Variants in FAM174A observed in about 807,000 individuals in gnomAD.
FAM174A encodes membrane protein FAM174A.
Under a neutral mutation model 14.3 loss-of-function variants are expected in FAM174A, and 14 were observed. The observed-to-expected ratio is 0.98, with a 90% CI of 0.65 to 1.53. FAM174A has a LOEUF of 1.53. Among genes scored for constraint, FAM174A ranks in the 40% most tolerant of loss-of-function variants. The pLI, the probability that FAM174A is intolerant of heterozygous loss-of-function variation, is 0.00. For missense variants in FAM174A, 241 were observed against 249.6 expected (o/e 0.97, Z 0.23); for synonymous variants, 108 against 111.4 (o/e 0.97, Z 0.19).
chr5:100,540,275 T>G (rs977098182), intron 1 of FAM174A, among the ~76,000 whole-genome samples: 3 of 152,202 alleles, frequency 2.0e-5, no homozygotes, highest in African/African-American at 7.2e-5. Flanking sequence ...TTTTGACTAT[T>G]TAACCATTTA....
intron 1 of FAM174A, among the ~76,000 whole-genome samples, chr5:100,549,369 T>C (rs1746219191): frequency 6.6e-6 from 1 of 152,048 alleles, no homozygotes; most frequent in African/African-American, 2.4e-5. Flanking sequence ...AAAGAGGAGA[T>C]ATGACAAGGA....
rs184003739 is a variant in FAM174A, at chr5:100,559,064, A to C, written c.435-2990A>C. On this transcript the variant is annotated intron_variant, in intron 1 of 2. Coordinates refer to ENST00000312637, the MANE Select transcript of FAM174A (RefSeq NM_198507.3). ...TCTTTACAGTTTAGCATGTTTTTGC[A>C]GGGGCTGGTACCAATTGTTCCTTTC... 4.1e-3 allele frequency among the ~76,000 whole-genome samples: 629 copies of C among 152,256 alleles called. 4 individuals carry two copies. The highest frequency in any genetic ancestry group is 0.017 in the South Asian group (82 of 4,822).
At chr5:100,552,778 A>G (rs1334847746) in intron 1 of FAM174A, among the ~76,000 whole-genome samples, 1 of 152,114 alleles carries the variant, frequency 6.6e-6, no homozygotes, top group Non-Finnish European at 1.5e-5. Context: ...ACATTAAGGA[A>G]TCTGCATCTA....
chr5:100,573,662 A>G (rs1326103370), intron 2 of FAM174A, among the ~76,000 whole-genome samples: 1 of 150,620 alleles, frequency 6.6e-6, no homozygotes, highest in East Asian at 1.9e-4. Flanking sequence ...AAGGTAATTT[A>G]CAGATTCAAT....
At chr5:100,571,118 G>A (rs1580375253) in intron 2 of FAM174A, among the ~76,000 whole-genome samples, 1 of 150,252 alleles carries the variant, frequency 6.7e-6, no homozygotes, top group African/African-American at 2.5e-5. Flanking sequence ...GTAGTTTATA[G>A]AGTTTATATG....
At chr5:100,553,183 A>C (rs1159581534) in intron 1 of FAM174A, among the ~76,000 whole-genome samples, 6 of 152,114 alleles carry the variant, frequency 3.9e-5, no homozygotes, top group East Asian at 1.9e-4. Context: ...AATTGCACAG[A>C]TATTAAAGCT....
intron 2 of FAM174A, among the ~76,000 whole-genome samples, chr5:100,573,292 A>G (rs916178968): frequency 5.9e-5 from 9 of 151,724 alleles, no homozygotes; most frequent in African/African-American, 2.2e-4. Flanking sequence ...TTTTGTTGCC[A>G]TTGCTTTTGG....
chr5:100,575,688 T>C (rs1746889384), intron 2 of FAM174A, among the ~76,000 whole-genome samples: 2 of 152,158 alleles, frequency 1.3e-5, no homozygotes, highest in Non-Finnish European at 2.9e-5. Context: ...ACAAATGGTA[T>C]CTAATTAAAT....
intron 1 of FAM174A, among the ~76,000 whole-genome samples, chr5:100,544,268 G>C (rs1242556220): frequency 1.3e-5 from 2 of 152,040 alleles, no homozygotes; most frequent in East Asian, 1.9e-4. Context: ...AAACTGAAGT[G>C]AATCACTGGA....
intron 1 of FAM174A, among the ~76,000 whole-genome samples, chr5:100,553,845 C>T (rs1746310968): frequency 6.6e-6 from 1 of 152,104 alleles, no homozygotes; most frequent in African/African-American, 2.4e-5. Context: ...AGTTTGACCA[C>T]TCATTGTAAG....
intron 2 of FAM174A, among the ~76,000 whole-genome samples, chr5:100,573,990 C>G (rs891070757): frequency 1.0e-3 from 158 of 152,132 alleles, no homozygotes; most frequent in Non-Finnish European, 9.3e-4. Flanking sequence ...GTGACATTTC[C>G]TAATAAAACA....
At chr5:100,572,406 C>A (rs1313539798) in intron 2 of FAM174A, among the ~76,000 whole-genome samples, 1 of 149,492 alleles carries the variant, frequency 6.7e-6, no homozygotes, top group Non-Finnish European at 1.5e-5. Flanking sequence ...CCCGCCTCCC[C>A]CCACCCCACA....
At chr5:100,552,116 G>A (rs1468860847) in intron 1 of FAM174A, among the ~76,000 whole-genome samples, 2 of 152,128 alleles carry the variant, frequency 1.3e-5, no homozygotes, top group Non-Finnish European at 2.9e-5. Flanking sequence ...AGATGAGAAT[G>A]ATGTCAGATT....
intron 2 of FAM174A, among the ~76,000 whole-genome samples, chr5:100,569,045 C>G (rs1231024485): frequency 6.6e-6 from 1 of 151,876 alleles, no homozygotes; most frequent in African/African-American, 2.4e-5. Flanking sequence ...AAGTTCTAGT[C>G]TGTCTTGTAT....
At chr5:100,549,105 C>G (rs1746215102) in intron 1 of FAM174A, among the ~76,000 whole-genome samples, 1 of 151,904 alleles carries the variant, frequency 6.6e-6, no homozygotes, top group African/African-American at 2.4e-5. Context: ...GTAGAACTGA[C>G]AGGGCTGTAG....
intron 1 of FAM174A, among the ~76,000 whole-genome samples, chr5:100,536,406 AT>A (rs1300813902): frequency 2.6e-5 from 4 of 152,222 alleles, no homozygotes; most frequent in Non-Finnish European, 5.9e-5. Context: ...AGTCTTACAA[AT>A]TATTTGTACA....
chr5:100,582,101 T>C (rs1747029190), intron 2 of FAM174A, among the ~76,000 whole-genome samples: 1 of 152,208 alleles, frequency 6.6e-6, no homozygotes, highest in African/African-American at 2.4e-5. Flanking sequence ...GTTCTCCTAG[T>C]TTATGAAACT....
At chr5:100,581,465 T>A in intron 2 of FAM174A, 2 of 835,170 alleles carry the variant, frequency 2.4e-6, no homozygotes, top group Non-Finnish European at 2.9e-6. Flanking sequence ...AATAAGAGCC[T>A]ATGAAGGCCC....
At chr5:100,569,374 C>T (rs1746728672) in intron 2 of FAM174A, among the ~76,000 whole-genome samples, 1 of 132,978 alleles carries the variant, frequency 7.5e-6, no homozygotes, top group Non-Finnish European at 1.6e-5. Context: ...TTACATATTA[C>T]TCTATAGAGG....
Sources: allele counts gnomAD v4.1 joint callset (sites outside exome capture counted in the v4.1 genomes callset), GRCh38; gene constraint gnomAD v4.1.1; transcripts MANE v1.5; gene names NCBI Gene and HGNC (gene_info 2026-07-23, HGNC 2026-07-21).